NR3C2: variants seen among roughly 807,000 people sequenced by gnomAD.
NR3C2 encodes nuclear receptor subfamily 3 group C member 2.
Under a neutral mutation model 86.4 loss-of-function variants are expected in NR3C2, and 15 were observed. That is an observed-to-expected ratio of 0.17 (90% CI 0.12 to 0.27). The LOEUF is 0.27. Ranked by LOEUF, NR3C2 falls within the 10% of genes least tolerant of loss-of-function variation. NR3C2 has a pLI of 1.00. For synonymous variants in NR3C2, 458 were observed against 450.5 expected, an observed-to-expected ratio of 1.02 and a Z score of -0.21; for missense variants, 960 against 1,195.6, an observed-to-expected ratio of 0.80 and a Z score of 2.91.
chr4:148,312,483 A>C (rs975595496), intron 2 of NR3C2, among the ~76,000 whole-genome samples: 10 of 152,208 alleles, frequency 6.6e-5, no homozygotes, highest in African/African-American at 2.2e-4. Flanking sequence ...ACCATTATCG[A>C]AATAGCACTG....
chr4:148,373,557 C>T (rs1484766763), intron 2 of NR3C2, among the ~76,000 whole-genome samples: 1 of 150,546 alleles, frequency 6.6e-6, no homozygotes, highest in Non-Finnish European at 1.5e-5. Flanking sequence ...TCACTGCAAC[C>T]TCTGCCTCCC....
chr4:148,273,179 A>G (rs1031457460), intron 2 of NR3C2, among the ~76,000 whole-genome samples: 3 of 152,224 alleles, frequency 2.0e-5, no homozygotes, highest in African/African-American at 7.2e-5. Flanking sequence ...TTTCAATGCC[A>G]CTGGAACATG....
intron 2 of NR3C2, among the ~76,000 whole-genome samples, chr4:148,348,272 T>A (rs1467421308): frequency 6.6e-6 from 1 of 152,142 alleles, no homozygotes; most frequent in African/African-American, 2.4e-5. Flanking sequence ...AAACATGATG[T>A]TACAATATGC....
intron 4 of NR3C2, among the ~76,000 whole-genome samples, chr4:148,181,862 C>A (rs1286303425): frequency 6.6e-6 from 1 of 152,082 alleles, no homozygotes; most frequent in Non-Finnish European, 1.5e-5. Context: ...GGGAGTGGGT[C>A]TAGAGAAATG....
chr4:148,283,006 C>T (rs1323634931), intron 2 of NR3C2, among the ~76,000 whole-genome samples: 1 of 152,028 alleles, frequency 6.6e-6, no homozygotes, highest in Non-Finnish European at 1.5e-5. Flanking sequence ...GGGAAGGAAA[C>T]AGAGCTGAGG....
chr4:148,164,666 C>T (rs1348877275), intron 4 of NR3C2, among the ~76,000 whole-genome samples: 1 of 152,192 alleles, frequency 6.6e-6, no homozygotes, highest in African/African-American at 2.4e-5. Context: ...CAAGGGCTGC[C>T]TTCTTGGCAT....
rs1356831243 is a variant in NR3C2, at chr4:148,120,189, G to A, written c.2610C>T (p.Thr870=). 1 of 1,614,114 alleles carries A rather than the reference G, an allele frequency of 6.2e-7. No homozygotes were observed. Among genetic ancestry groups the A allele is most frequent in the Non-Finnish European group, 8.5e-7 (1 of 1,180,006 alleles). The change falls in exon 7 of 9, where the codon ACC becomes ACT. Residue 870 remains threonine (T), a synonymous_variant. Transcript: ENST00000358102. ...TTAGTAGCAGCAAAACTTTCATGAT[G>A]GTGTATTCTTCAAAGGTGAGCTGCA... is the stretch of plus-strand genomic sequence containing the variant. ...VRLQLTFEEY[T]IMKVLLLLST... is the part of the protein sequence containing the mutation.
intron 8 of NR3C2, 54 bp downstream of exon 8, chr4:148,114,050 T>G (rs1732163251): frequency 1.3e-6 from 2 of 1,597,950 alleles, no homozygotes; most frequent in African/African-American, 2.7e-5. Context: ...TGGTCAGCAG[T>G]GTGTATGTGG....
chr4:148,319,189 A>T (rs1461430281), intron 2 of NR3C2, among the ~76,000 whole-genome samples: 6 of 151,656 alleles, frequency 4.0e-5, no homozygotes, highest in Non-Finnish European at 8.8e-5. Flanking sequence ...ATAGTTGTAG[A>T]TATGTGGCAT....
At chr4:148,106,531 AC>A (rs1229990862) in intron 8 of NR3C2, among the ~76,000 whole-genome samples, 1 of 152,186 alleles carries the variant, frequency 6.6e-6, no homozygotes, top group African/African-American at 2.4e-5. Flanking sequence ...TTCATATGGA[AC>A]CAAAAAAGAG....
chr4:148,253,510 C>T (rs1416121091), intron 3 of NR3C2, among the ~76,000 whole-genome samples: 3 of 152,178 alleles, frequency 2.0e-5, no homozygotes, highest in Admixed American at 2.0e-4. Context: ...AAGGTTCTAA[C>T]GTTGGCCTGC....
At chr4:148,159,253 A>G (rs1734548120) in intron 4 of NR3C2, among the ~76,000 whole-genome samples, 1 of 152,216 alleles carries the variant, frequency 6.6e-6, no homozygotes, top group African/African-American at 2.4e-5. Context: ...AATAAACGTT[A>G]ACAAACTATT....
chr4:148,390,445 A>T (rs974645447), intron 2 of NR3C2, among the ~76,000 whole-genome samples: 1 of 152,066 alleles, frequency 6.6e-6, no homozygotes, highest in African/African-American at 2.4e-5. Flanking sequence ...CAAGAATTCA[A>T]ATGTTCTGGG....
chr4:148,152,783 C>A (rs968617976), intron 5 of NR3C2, among the ~76,000 whole-genome samples, 170 bp from the exon 6 acceptor site: 2 of 152,144 alleles, frequency 1.3e-5, no homozygotes. Flanking sequence ...CTGGCCCAGT[C>A]CTGTTCCACA....
chr4:148,094,370 G>A (rs1731186923), intron 8 of NR3C2, among the ~76,000 whole-genome samples: 2 of 152,178 alleles, frequency 1.3e-5, no homozygotes, highest in Non-Finnish European at 2.9e-5. Context: ...TTCCACTTCT[G>A]GGCATATACC....
In NR3C2 at chr4:148,418,368, T is replaced by C. The variant is rs370147698; in HGVS notation, c.1757+16736A>G. Among the ~76,000 whole-genome samples, 7 of 152,286 alleles carry C rather than the reference T, an allele frequency of 4.6e-5. No homozygotes were observed. The East Asian group carries it at 1.2e-3, about 25-fold the overall frequency. ...TTTTCAATCAAACCACCATGGAGCA[T>C]GTGATATATGTAAATGTTAATCTTC... On this transcript the variant is annotated intron_variant, in intron 2 of 8. Transcript: ENST00000358102.
chr4:148,284,416 A>G (rs1741413512), intron 2 of NR3C2, among the ~76,000 whole-genome samples: 1 of 152,170 alleles, frequency 6.6e-6, no homozygotes, highest in Non-Finnish European at 1.5e-5. Flanking sequence ...GGATAAAAGA[A>G]CATGTCTGAG....
At chr4:148,431,011 G>A (rs1170992585) in intron 2 of NR3C2, among the ~76,000 whole-genome samples, 1 of 152,062 alleles carries the variant, frequency 6.6e-6, no homozygotes, top group African/African-American at 2.4e-5. Flanking sequence ...AAAAGTCTAA[G>A]TCAATGTTAG....
chr4:148,390,432 T>C (rs1346272000), intron 2 of NR3C2, among the ~76,000 whole-genome samples: 1 of 152,064 alleles, frequency 6.6e-6, no homozygotes, highest in Non-Finnish European at 1.5e-5. Context: ...TGTGAGACGG[T>C]AGCAAGAATT....
Sources: allele counts gnomAD v4.1 joint callset (sites outside exome capture counted in the v4.1 genomes callset), GRCh38; gene constraint gnomAD v4.1.1; transcripts MANE v1.5; gene names NCBI Gene and HGNC (gene_info 2026-07-23, HGNC 2026-07-21).